Variants in ADARB2 observed in about 807,000 individuals in gnomAD.
ADARB2 encodes inactive double-stranded RNA-specific editase B2.
A neutral mutation model predicts 62.2 loss-of-function variants in ADARB2; 25 were observed. The observed-to-expected ratio is 0.40, with a 90% confidence interval of 0.29 to 0.56. The LOEUF (loss-of-function observed/expected upper bound fraction) is 0.56. Among genes scored for constraint, ADARB2 ranks in the 20% least tolerant of loss-of-function variants. ADARB2 has a pLI of 0.43. For synonymous variants in ADARB2, 572 were observed against 500.8 expected (o/e 1.14, Z -1.90); for missense variants, 1,071 against 1,077.4 (o/e 0.99, Z 0.08).
At chr10:1,338,062 T>C (rs773318579) in intron 3 of ADARB2, among the ~76,000 whole-genome samples, 2 of 152,196 alleles carry the variant, frequency 1.3e-5, no homozygotes, top group African/African-American at 2.4e-5. Context: ...TGGCTGAAAA[T>C]AAAAGCATCT....
At position 1,442,124 on chromosome 10, in the gene ADARB2, A is replaced by G. The variant is rs564179225; in HGVS notation, c.101-62964T>C. Among the ~76,000 whole-genome samples, 3 of 152,370 alleles carry G rather than the reference A, an allele frequency of 2.0e-5. No homozygotes were observed. The South Asian group carries it at 6.2e-4, about 32-fold the overall frequency. On this transcript the variant is annotated intron_variant, in intron 1 of 9. Transcript: ENST00000381312. ...ATTACGCTAATAAAATTTAAACAAT[A>G]TAACTGTGTAAGATCTGGATTATTC...
At chr10:1,626,451 C>T (rs11250678) in intron 1 of ADARB2, among the ~76,000 whole-genome samples, 23,555 of 151,084 alleles carry the variant, frequency 0.16, 1,955 homozygotes, top group Non-Finnish European at 0.18. Flanking sequence ...CGTCTGCCCA[C>T]GCCTCAGGCA....
At chr10:1,376,035 G>T (rs1028084105) in intron 2 of ADARB2, among the ~76,000 whole-genome samples, 1 of 151,094 alleles carries the variant, frequency 6.6e-6, no homozygotes, top group South Asian at 2.1e-4. Flanking sequence ...CCCCACACAC[G>T]TGCACGTACC....
intron 1 of ADARB2, among the ~76,000 whole-genome samples, chr10:1,472,402 G>A (rs1831335616): frequency 6.6e-6 from 1 of 151,954 alleles, no homozygotes. Context: ...GGTCAGCCAG[G>A]TGTGAGGAGG....
At chr10:1,429,374 A>C (rs1285440696) in intron 1 of ADARB2, among the ~76,000 whole-genome samples, 5 of 152,224 alleles carry the variant, frequency 3.3e-5, no homozygotes, top group Non-Finnish European at 7.3e-5. Flanking sequence ...TAAAACGCTC[A>C]TCACTCAAAA....
intron 1 of ADARB2, among the ~76,000 whole-genome samples, chr10:1,608,631 TGAAG>T (rs1833524838): frequency 9.6e-6 from 1 of 104,556 alleles, no homozygotes; most frequent in African/African-American, 3.9e-5. Flanking sequence ...AAAAGAGAAA[TGAAG>T]GGAGGGAGGG....
chr10:1,669,398 C>G (rs183465043), intron 1 of ADARB2, among the ~76,000 whole-genome samples: 29 of 152,274 alleles, frequency 1.9e-4, no homozygotes, highest in African/African-American at 6.0e-4. Flanking sequence ...GCAGCACACA[C>G]ATAACACATA....
chr10:1,254,150 AGTGGGCTCTGTGGTTAGGACATG>A (rs1198061652), intron 4 of ADARB2, among the ~76,000 whole-genome samples: 18 of 148,878 alleles, frequency 1.2e-4, no homozygotes, highest in South Asian at 6.5e-4. Flanking sequence ...GTTAGAATGC[AGTGGGCTCTGTGGTTAGGACATG>A]GTGGGCTCTG....
At chr10:1,439,824 G>T (rs1171671504) in intron 1 of ADARB2, among the ~76,000 whole-genome samples, 1 of 146,700 alleles carries the variant, frequency 6.8e-6, no homozygotes, top group Admixed American at 6.8e-5. Context: ...CTCCTCAGCA[G>T]ATGGAGGCAG....
chr10:1,214,072 CAT>C (rs1837197750), intron 7 of ADARB2, among the ~76,000 whole-genome samples: 1 of 149,884 alleles, frequency 6.7e-6, no homozygotes, highest in Non-Finnish European at 1.5e-5. Context: ...GCCGGTGACA[CAT>C]AGGTTTGCAC....
At chr10:1,496,254 TCA>T in intron 1 of ADARB2, among the ~76,000 whole-genome samples, 1 of 151,954 alleles carries the variant, frequency 6.6e-6, no homozygotes, top group Non-Finnish European at 1.5e-5. Flanking sequence ...ATCATCATTG[TCA>T]TCAGCACCAT....
intron 1 of ADARB2, among the ~76,000 whole-genome samples, chr10:1,673,466 T>G (rs1416582692): frequency 6.6e-6 from 1 of 152,064 alleles, no homozygotes; most frequent in African/African-American, 2.4e-5. Context: ...GCCCTGTCGT[T>G]GAAACAAAAA....
At chr10:1,719,378 G>A (rs1457593295) in intron 1 of ADARB2, among the ~76,000 whole-genome samples, 1 of 152,190 alleles carries the variant, frequency 6.6e-6, no homozygotes, top group Non-Finnish European at 1.5e-5. Context: ...CTCATGAAGT[G>A]CAACATTTCA....
At chr10:1,714,033 A>G (rs548463465) in intron 1 of ADARB2, among the ~76,000 whole-genome samples, 46 of 152,358 alleles carry the variant, frequency 3.0e-4, no homozygotes, top group African/African-American at 1.1e-3. Context: ...CATTGCTTCA[A>G]AAAACATTTG....
rs556497265 is a variant in ADARB2 at position 1,708,500 on chromosome 10, G to T, written c.100+28551C>A. 7.9e-5 allele frequency among the ~76,000 whole-genome samples: 12 copies of T among 152,300 alleles called. No individual in the cohort carries two copies. In the South Asian group the frequency reaches 2.3e-3, roughly 29 times the overall value. On this transcript the variant is annotated intron_variant, in intron 1 of 9. Transcript: ENST00000381312. ...TCCTGGTCAGAATCTTTCAGCCAGG[G>T]TCTGTGCTGGCAGACAACAAGACAC...
At chr10:1,674,205 C>T (rs1397460173) in intron 1 of ADARB2, among the ~76,000 whole-genome samples, 1 of 152,176 alleles carries the variant, frequency 6.6e-6, no homozygotes, top group Non-Finnish European at 1.5e-5. Flanking sequence ...AAAAAATATT[C>T]TTTGAAAGAT....
intron 3 of ADARB2, among the ~76,000 whole-genome samples, chr10:1,309,946 T>G (rs1222050684): frequency 6.6e-6 from 1 of 152,240 alleles, no homozygotes; most frequent in Non-Finnish European, 1.5e-5. Flanking sequence ...CCACCTGGAA[T>G]CTCCGTCTTC....
At chr10:1,494,480 C>T (rs1406915494) in intron 1 of ADARB2, among the ~76,000 whole-genome samples, 1 of 152,100 alleles carries the variant, frequency 6.6e-6, no homozygotes, top group African/African-American at 2.4e-5. Flanking sequence ...GCAAAAATGA[C>T]CCTTTGTTCT....
intron 6 of ADARB2, among the ~76,000 whole-genome samples, chr10:1,232,305 T>G (rs1217143755): frequency 6.6e-6 from 1 of 152,172 alleles, no homozygotes; most frequent in Non-Finnish European, 1.5e-5. Context: ...GTATGTGATA[T>G]GCACGTGGTG....
Sources: allele counts gnomAD v4.1 joint callset (sites outside exome capture counted in the v4.1 genomes callset), GRCh38; gene constraint gnomAD v4.1.1; transcripts MANE v1.5; gene names NCBI Gene and HGNC (gene_info 2026-07-23, HGNC 2026-07-21).